The following ATP5PO variants were observed in gnomAD, a reference collection of about 807,000 sequenced individuals.
ATP5PO encodes ATP synthase peripheral stalk subunit OSCP, mitochondrial.
ATP5PO carries 14 observed loss-of-function variants against 26.2 expected under a neutral mutation model. That is an observed-to-expected ratio of 0.53 (90% CI 0.35 to 0.83). The LOEUF is 0.83. Among genes scored for constraint, ATP5PO ranks in the 40% least tolerant of loss-of-function variants. ATP5PO has a pLI of 0.01. For synonymous variants in ATP5PO, 106 were observed against 95.1 expected (o/e 1.12, Z -0.67); for missense variants, 241 against 258.5 (o/e 0.93, Z 0.46).
chr21:33,904,736 G>A (rs768769976), intron 5 of ATP5PO, among the ~76,000 whole-genome samples: 1 of 152,164 alleles, frequency 6.6e-6, no homozygotes, highest in African/African-American at 2.4e-5. Flanking sequence ...GAAGAAGGCT[G>A]TTAAACCAAA....
At chr21:33,915,413 C>A in intron 1 of ATP5PO, 1 of 438,472 alleles carries the variant, frequency 2.3e-6, no homozygotes, top group Non-Finnish European at 4.0e-6. Flanking sequence ...GATTTGGGGG[C>A]TAGTCCATGC....
At chr21:33,911,166 G>A (rs888950432) in intron 3 of ATP5PO, among the ~76,000 whole-genome samples, 6 of 152,172 alleles carry the variant, frequency 3.9e-5, no homozygotes, top group Non-Finnish European at 8.8e-5. Flanking sequence ...GCAACAGAAT[G>A]TGTAGAAACT....
At chr21:33,914,163 T>TAA (rs11372099) in intron 2 of ATP5PO, among the ~76,000 whole-genome samples, 27 of 148,526 alleles carry the variant, frequency 1.8e-4, no homozygotes, top group East Asian at 3.9e-4. Flanking sequence ...TTTCTTTCAT[T>TAA]AAAAAAAAAA....
intron 6 of ATP5PO, 111 bp downstream of exon 6, chr21:33,903,824 C>G (rs968580785): frequency 8.7e-6 from 10 of 1,146,358 alleles, no homozygotes; most frequent in Non-Finnish European, 1.2e-5. Flanking sequence ...AAAATTTTAA[C>G]TACAGAAAAA....
In ATP5PO at chr21:33,903,482, C is replaced by T. The variant is rs2148604736; in HGVS notation, c.*44G>A. The stretch of plus-strand genomic sequence containing the variant: ...CTGTTCTGGAAGCTTTTTATTGTTG[C>T]TCCAAGTTTAAGAATTTTCACTGAT... On this transcript the variant is annotated 3_prime_UTR_variant, in exon 7 of 7. Transcript: ENST00000290299. The T allele has an allele frequency of 6.5e-7, 1 of 1,534,090 alleles. No individual in the cohort carries two copies. The highest frequency in any genetic ancestry group is 1.1e-5 in the South Asian group (1 of 88,598).
chr21:33,903,916 T>C lies in ATP5PO; in HGVS notation c.528+19A>G. 6.3e-7 allele frequency: 1 copy of C among 1,578,818 alleles called. No individual in the cohort carries two copies. Among genetic ancestry groups the C allele is most frequent in the Non-Finnish European group, 8.6e-7 (1 of 1,156,530 alleles). On this transcript the variant is annotated intron_variant, in intron 6 of 6. Transcript: ENST00000290299. ...TAAAATAACCCGAGAAAACGTACCA[T>C]AAATAATTTAAAACCTACCTTAGCC...
intron 5 of ATP5PO, among the ~76,000 whole-genome samples, chr21:33,905,918 G>GAAAAAAAAAAAAAAAAAAATA (rs1987164334): frequency 1.0e-5 from 1 of 98,436 alleles, no homozygotes; most frequent in Non-Finnish European, 1.9e-5. Context: ...TCTCAAAAAA[G>GAAAAAAAAAAAAAAAAAAATA]AAAAAAAAAA....
intron 3 of ATP5PO, among the ~76,000 whole-genome samples, chr21:33,909,795 C>T (rs1459086439): frequency 1.3e-5 from 2 of 152,166 alleles, no homozygotes; most frequent in Non-Finnish European, 2.9e-5. Flanking sequence ...AAACACTAAA[C>T]AGCCAAACCT....
intron 6 of ATP5PO, 115 bp from the exon 7 acceptor site, chr21:33,903,754 T>A: frequency 8.2e-7 from 1 of 1,222,808 alleles, no homozygotes; most frequent in Non-Finnish European, 1.1e-6. Flanking sequence ...TAATTACACC[T>A]AGAAAAAGGC....
At chr21:33,905,854 G>C (rs1321856286) in intron 5 of ATP5PO, among the ~76,000 whole-genome samples, 1 of 141,810 alleles carries the variant, frequency 7.1e-6, no homozygotes, top group Admixed American at 7.4e-5. Context: ...GGAAGTTGCA[G>C]TGAGCTAAGA....
chr21:33,904,161 G>A (rs113529001), intron 5 of ATP5PO, 140 bp from the exon 6 acceptor site: 7 of 658,530 alleles, frequency 1.1e-5, no homozygotes, highest in African/African-American at 9.1e-5. Flanking sequence ...GAGCTGCTCT[G>A]CAGCATTCAC....
chr21:33,914,409 T>C (rs770443406), intron 2 of ATP5PO, 41 bp downstream of exon 2: 1 of 1,586,482 alleles, frequency 6.3e-7, no homozygotes, highest in Non-Finnish European at 8.6e-7. Flanking sequence ...ACTCACACTT[T>C]CGCGTACTTT....
chr21:33,911,050 G>GA (rs1324846811), intron 3 of ATP5PO, among the ~76,000 whole-genome samples: 1 of 152,112 alleles, frequency 6.6e-6, no homozygotes, highest in Non-Finnish European at 1.5e-5. Context: ...TTAAAATGAA[G>GA]AAAAAACCAA....
intron 4 of ATP5PO, 93 bp downstream of exon 4, chr21:33,908,989 C>G (rs1260252214): frequency 5.1e-6 from 7 of 1,380,248 alleles, no homozygotes; most frequent in Non-Finnish European, 6.8e-6. Context: ...TGCCAACAGG[C>G]TCCCAGGTGA....
intron 3 of ATP5PO, among the ~76,000 whole-genome samples, chr21:33,911,300 C>A (rs2148606935): frequency 6.6e-6 from 1 of 152,254 alleles, no homozygotes; most frequent in East Asian, 1.9e-4. Context: ...TAAAAAACAT[C>A]TTGCAGCAGC....
At chr21:33,912,489 T>TA in intron 2 of ATP5PO, 90 bp from the exon 3 acceptor site, 1 of 823,906 alleles carries the variant, frequency 1.2e-6, no homozygotes, top group Admixed American at 2.7e-5. Flanking sequence ...ATTTATATTT[T>TA]AAAAAATGTA....
In ATP5PO at chr21:33,903,520, A is replaced by G. The variant is rs778577071; in HGVS notation, c.*6T>C. 15 of 1,606,352 alleles carry G rather than the reference A, an allele frequency of 9.3e-6. No homozygotes were observed. Among genetic ancestry groups the G allele is most frequent in the East Asian group, 6.7e-5 (3 of 44,772 alleles). ...AATTTTCACTGATGGCAGAAAACCAACACTTTTAGACAATCTCCCGCATAG... is the reference window on the plus strand; with the variant it reads ...AATTTTCACTGATGGCAGAAAACCAGCACTTTTAGACAATCTCCCGCATAG... On this transcript the variant is annotated 3_prime_UTR_variant, in exon 7 of 7. Transcript: ENST00000290299.
chr21:33,904,026 A>G lies in ATP5PO; in HGVS notation c.442-5T>C. On this transcript the variant is annotated splice_region_variant and splice_polypyrimidine_tract_variant and intron_variant, in intron 5 of 6. Transcript: ENST00000290299. ...GAGTGTGGCTTCTTCTAAAGGCTGAAAGGCAAAACCATCCTTTCAATTTAG... is the reference window on the plus strand; with the variant it reads ...GAGTGTGGCTTCTTCTAAAGGCTGAGAGGCAAAACCATCCTTTCAATTTAG... The G allele has an allele frequency of 1.9e-6, 3 of 1,606,072 alleles. No homozygotes were observed. The highest frequency in any genetic ancestry group is 1.7e-4 in the Middle Eastern group (1 of 5,842).
chr21:33,914,037 C>A (rs1467515947), intron 2 of ATP5PO, among the ~76,000 whole-genome samples: 1 of 152,110 alleles, frequency 6.6e-6, no homozygotes, highest in African/African-American at 2.4e-5. Flanking sequence ...CTCGGCCTCC[C>A]AAAGTGCTGG....
Sources: allele counts gnomAD v4.1 joint callset (sites outside exome capture counted in the v4.1 genomes callset), GRCh38; gene constraint gnomAD v4.1.1; transcripts MANE v1.5; gene names NCBI Gene and HGNC (gene_info 2026-07-23, HGNC 2026-07-21).